Variants in HTR7 observed in about 807,000 individuals in gnomAD.
The protein encoded by HTR7 is 5-hydroxytryptamine receptor 7, also known as 5-HT-7.
Under a neutral mutation model 34.0 loss-of-function variants are expected in HTR7, and 16 were observed. The ratio of observed to expected loss-of-function variants is 0.47; its 90% CI spans 0.32 to 0.71. The LOEUF is 0.71. Among genes scored for constraint, HTR7 ranks in the 30% least tolerant of loss-of-function variants. HTR7 has a pLI of 0.04. For synonymous variants in HTR7, 265 were observed against 260.2 expected (o/e 1.02, Z -0.18); for missense variants, 504 against 625.5 (o/e 0.81, Z 2.07).
chr10:90,811,698 T>C (rs1564690609), intron 1 of HTR7, among the ~76,000 whole-genome samples: 1 of 152,038 alleles, frequency 6.6e-6, no homozygotes, highest in South Asian at 2.1e-4. Flanking sequence ...ACACATCAAG[T>C]TCAGGGATTT....
chr10:90,778,209 C>T (rs1037816663), intron 1 of HTR7, among the ~76,000 whole-genome samples: 6 of 152,168 alleles, frequency 3.9e-5, no homozygotes, highest in Admixed American at 6.5e-5. Flanking sequence ...GAAATTTAAT[C>T]CCCAGTGTGG....
At chr10:90,784,157 C>A (rs1845347541) in intron 1 of HTR7, among the ~76,000 whole-genome samples, 1 of 152,222 alleles carries the variant, frequency 6.6e-6, no homozygotes, top group African/African-American at 2.4e-5. Flanking sequence ...AGCTGCCAGC[C>A]AGCTGAGGAG....
At chr10:90,776,503 C>A (rs867684732) in intron 1 of HTR7, among the ~76,000 whole-genome samples, 1 of 152,098 alleles carries the variant, frequency 6.6e-6, no homozygotes, top group Non-Finnish European at 1.5e-5. Context: ...AGACAAGATG[C>A]GAAGCTTCTA....
chr10:90,826,076 C>T (rs937953277), intron 1 of HTR7, among the ~76,000 whole-genome samples: 2 of 151,888 alleles, frequency 1.3e-5, no homozygotes, highest in African/African-American at 4.8e-5. Context: ...TCCCAAAGGT[C>T]GAAGATAAAG....
At chr10:90,851,477 C>T (rs112988876) in intron 1 of HTR7, among the ~76,000 whole-genome samples, 5,284 of 151,792 alleles carry the variant, frequency 0.035, 113 homozygotes, top group Middle Eastern at 0.095. Flanking sequence ...TGGTGGCAGA[C>T]GCCTGTACTC....
At chr10:90,830,732 A>AAGCC (rs533535148) in intron 1 of HTR7, among the ~76,000 whole-genome samples, 7 of 150,860 alleles carry the variant, frequency 4.6e-5, no homozygotes, top group African/African-American at 1.7e-4. Flanking sequence ...AGGCAGCAGT[A>AAGCC]AGCCAAGATG....
chr10:90,778,717 C>T (rs1845261127), intron 1 of HTR7, among the ~76,000 whole-genome samples: 1 of 152,198 alleles, frequency 6.6e-6, no homozygotes, highest in South Asian at 2.1e-4. Flanking sequence ...CACCCTCTAC[C>T]TCTGTACTTA....
intron 1 of HTR7, among the ~76,000 whole-genome samples, chr10:90,806,939 A>G (rs186836242): frequency 6.6e-6 from 1 of 152,322 alleles, no homozygotes; most frequent in East Asian, 1.9e-4. Flanking sequence ...GAGACCTGTG[A>G]TTACCAAGAA....
At chr10:90,845,202 G>T (rs144147768) in intron 1 of HTR7, among the ~76,000 whole-genome samples, 1 of 152,320 alleles carries the variant, frequency 6.6e-6, no homozygotes, top group African/African-American at 2.4e-5. Context: ...GGGAACCTTG[G>T]ACGAGGAACA....
Position 90,857,695 on chromosome 10 carries a change from A to T in HTR7, c.-24T>A. The T allele has an allele frequency of 6.7e-7, 1 of 1,484,612 alleles. No individual in the cohort carries two copies. The highest frequency in any genetic ancestry group is 1.3e-5 in the South Asian group (1 of 74,880). The allele number at this position is 1,484,612 out of a possible 1,614,324, so 92.0% of individuals were successfully genotyped here. A position where few individuals can be genotyped will look rare whatever the true frequency, so the allele number is the denominator to read the frequency against. ...ATCGCGCCGCCGTGTGCCGCTGCCCATGGAGCCGGCGCCCCGGCCACGCGC... is the reference window on the plus strand; with the variant it reads ...ATCGCGCCGCCGTGTGCCGCTGCCCTTGGAGCCGGCGCCCCGGCCACGCGC... On this transcript the variant is annotated 5_prime_UTR_variant, in exon 1 of 4. An upstream start codon of the reference 5' UTR is lost. Transcript: ENST00000336152. The surrounding 1 kb of genome is among the most constrained non-coding windows in gnomAD (Gnocchi z 6.5).
chr10:90,774,584 C>T (rs1384579178), intron 1 of HTR7, among the ~76,000 whole-genome samples: 1 of 152,118 alleles, frequency 6.6e-6, no homozygotes, highest in African/African-American at 2.4e-5. Flanking sequence ...AAACTCAACT[C>T]AAAATGGCCC....
chr10:90,757,535 G>A (rs956803248), intron 1 of HTR7, among the ~76,000 whole-genome samples: 7 of 152,160 alleles, frequency 4.6e-5, no homozygotes, highest in Non-Finnish European at 7.4e-5. Context: ...ACTCAGCTGC[G>A]GTAGAATCTA....
At chr10:90,750,098 T>C (rs1844711451) in intron 1 of HTR7, among the ~76,000 whole-genome samples, 1 of 152,192 alleles carries the variant, frequency 6.6e-6, no homozygotes, top group South Asian at 2.1e-4. Context: ...AAGCATTTCT[T>C]TAAGATCACA....
chr10:90,808,445 G>C (rs942314412), intron 1 of HTR7, among the ~76,000 whole-genome samples: 1 of 152,082 alleles, frequency 6.6e-6, no homozygotes, highest in Non-Finnish European at 1.5e-5. Flanking sequence ...CTGGGGGAGG[G>C]GCAAGTACCC....
chr10:90,788,684 AC>A (rs1225450319), intron 1 of HTR7, among the ~76,000 whole-genome samples: 2 of 152,220 alleles, frequency 1.3e-5, no homozygotes, highest in African/African-American at 4.8e-5. Flanking sequence ...GTAAAACAAA[AC>A]AAAAATTTTG....
chr10:90,753,154 T>G (rs1050386327), intron 1 of HTR7, among the ~76,000 whole-genome samples: 6 of 152,216 alleles, frequency 3.9e-5, no homozygotes, highest in African/African-American at 1.2e-4. Flanking sequence ...CATCCCATAG[T>G]AAGAACTTCA....
intron 1 of HTR7, among the ~76,000 whole-genome samples, chr10:90,833,797 A>C (rs1421050741): frequency 6.6e-6 from 1 of 152,244 alleles, no homozygotes; most frequent in Non-Finnish European, 1.5e-5. Flanking sequence ...AAGATTGTTC[A>C]TTTTGAAAAT....
At chr10:90,811,747 T>C (rs1845813635) in intron 1 of HTR7, among the ~76,000 whole-genome samples, 1 of 152,082 alleles carries the variant, frequency 6.6e-6, no homozygotes, top group Non-Finnish European at 1.5e-5. Flanking sequence ...TTACTCAACA[T>C]GCCCCGAGTC....
intron 1 of HTR7, among the ~76,000 whole-genome samples, chr10:90,849,001 T>C (rs1227427781): frequency 2.6e-5 from 4 of 152,222 alleles, no homozygotes; most frequent in Non-Finnish European, 5.9e-5. Context: ...TGATGCACAT[T>C]CAAGTTTGAT....
Sources: gnomAD v4.1 joint callset for allele counts (sites outside exome capture counted in the v4.1 genomes callset) on GRCh38, gnomAD v4.1.1 for gene constraint, Gnocchi (gnomAD v3.1) non-coding constraint, MANE v1.5 for transcripts, NCBI Gene and HGNC (gene_info 2026-07-23, HGNC 2026-07-21) for gene names.